The following FER1L6 variants were observed in gnomAD, a reference collection of about 807,000 sequenced individuals.
FER1L6 encodes fer-1-like protein 6.
A neutral mutation model predicts 219.2 loss-of-function variants in FER1L6; 177 were observed. That is an observed-to-expected ratio of 0.81 (90% CI 0.71 to 0.91). The LOEUF is 0.91. Among genes scored for constraint, FER1L6 ranks in the 40% least tolerant of loss-of-function variants. The probability of loss-of-function intolerance (pLI) is 0.00; values close to 1 mark genes in which losing one functional copy is unlikely to be tolerated. For missense variants in FER1L6, 2,153 were observed against 2,259.9 expected, an observed-to-expected ratio of 0.95 and a Z score of 0.96; for synonymous variants, 768 against 824.3, an observed-to-expected ratio of 0.93 and a Z score of 1.17.
intron 32 of FER1L6, among the ~76,000 whole-genome samples, chr8:124,078,584 C>T (rs547083535): frequency 1.6e-4 from 25 of 152,316 alleles, no homozygotes; most frequent in African/African-American, 6.0e-4. Context: ...TGCTGGGACA[C>T]AGTGAGGATC....
chr8:123,887,579 T>C (rs949302771), intron 1 of FER1L6, among the ~76,000 whole-genome samples: 4 of 152,212 alleles, frequency 2.6e-5, no homozygotes, highest in Non-Finnish European at 5.9e-5. Context: ...GGTCTGCTCC[T>C]CTCAATCTGG....
chr8:123,932,091 CT>C (rs1813790542), intron 1 of FER1L6, among the ~76,000 whole-genome samples: 1 of 152,036 alleles, frequency 6.6e-6, no homozygotes, highest in South Asian at 2.1e-4. Flanking sequence ...CTTTCTTCCC[CT>C]ACCGTATTTA....
intron 1 of FER1L6, among the ~76,000 whole-genome samples, chr8:123,856,288 G>A (rs1290236783): frequency 3.6e-5 from 3 of 84,498 alleles, no homozygotes; most frequent in African/African-American, 1.3e-4. Flanking sequence ...ATATATGTGT[G>A]TGTGTATATA....
intron 12 of FER1L6, among the ~76,000 whole-genome samples, chr8:123,987,875 G>T (rs1396779952): frequency 6.6e-6 from 1 of 152,154 alleles, no homozygotes; most frequent in African/African-American, 2.4e-5. Context: ...AGTTTGGGAG[G>T]CTGAGGCAGG....
chr8:123,945,196 C>T (rs1028736448), intron 1 of FER1L6, among the ~76,000 whole-genome samples: 19 of 152,128 alleles, frequency 1.2e-4, no homozygotes, highest in African/African-American at 4.6e-4. Context: ...CTGGGAAGCC[C>T]CTGTATATTT....
intron 16 of FER1L6, among the ~76,000 whole-genome samples, chr8:124,020,773 G>A (rs1180811637): frequency 6.6e-6 from 1 of 152,150 alleles, no homozygotes; most frequent in African/African-American, 2.4e-5. Flanking sequence ...AGGCTGTTAT[G>A]AGGAGTAACA....
At chr8:123,945,677 T>C (rs1214131888) in intron 1 of FER1L6, among the ~76,000 whole-genome samples, 6 of 152,386 alleles carry the variant, frequency 3.9e-5, no homozygotes, top group African/African-American at 1.4e-4. Flanking sequence ...AACTGATTTA[T>C]AGAGCTTCAT....
intron 1 of FER1L6, among the ~76,000 whole-genome samples, chr8:123,918,241 G>A (rs923004363): frequency 6.6e-6 from 1 of 151,864 alleles, no homozygotes; most frequent in African/African-American, 2.4e-5. Flanking sequence ...CATGGGAGGT[G>A]GAGGTTGCAG....
At chr8:124,025,904 T>C (rs1818688005) in intron 18 of FER1L6, among the ~76,000 whole-genome samples, 1 of 152,216 alleles carries the variant, frequency 6.6e-6, no homozygotes, top group Non-Finnish European at 1.5e-5. Context: ...GTGTAATTTG[T>C]CCATGGCATC....
intron 1 of FER1L6, among the ~76,000 whole-genome samples, chr8:123,883,558 C>T (rs533711242): frequency 1.1e-4 from 16 of 152,252 alleles, no homozygotes; most frequent in African/African-American, 3.4e-4. Context: ...TTCAGGTTGA[C>T]GTCTGTTCAG....
chr8:123,875,423 C>T (rs1816991299), intron 1 of FER1L6, among the ~76,000 whole-genome samples: 1 of 152,162 alleles, frequency 6.6e-6, no homozygotes, highest in African/African-American at 2.4e-5. Flanking sequence ...TCCTTTTCAA[C>T]TTTAAAAAGT....
chr8:123,862,927 C>T (rs1398865486), intron 1 of FER1L6, among the ~76,000 whole-genome samples: 4 of 146,752 alleles, frequency 2.7e-5, no homozygotes, highest in African/African-American at 1.1e-4. Flanking sequence ...TTTCAAAAAA[C>T]CAGCTCCTGG....
At chr8:123,895,708 T>C (rs1212673462) in intron 1 of FER1L6, among the ~76,000 whole-genome samples, 1 of 152,158 alleles carries the variant, frequency 6.6e-6, no homozygotes, top group African/African-American at 2.4e-5. Flanking sequence ...GGGTTTGATT[T>C]AAATGAGTGC....
At chr8:124,015,607 A>ATGTG (rs71303477) in intron 15 of FER1L6, among the ~76,000 whole-genome samples, 1 of 88,606 alleles carries the variant, frequency 1.1e-5, no homozygotes, top group African/African-American at 4.3e-5. Context: ...ATATATATAT[A>ATGTG]TATATATATT....
At chr8:123,862,866 C>T (rs921075247) in intron 1 of FER1L6, among the ~76,000 whole-genome samples, 1 of 145,010 alleles carries the variant, frequency 6.9e-6, no homozygotes, top group Non-Finnish European at 1.5e-5. Context: ...TGATTCTTCT[C>T]TCTCTTTTTC....
intron 18 of FER1L6, among the ~76,000 whole-genome samples, chr8:124,031,704 G>T (rs994922635): frequency 6.6e-6 from 1 of 152,172 alleles, no homozygotes; most frequent in Non-Finnish European, 1.5e-5. Flanking sequence ...ATGGGACTGA[G>T]AGATAAGAGG....
intron 6 of FER1L6, among the ~76,000 whole-genome samples, chr8:123,973,034 A>C (rs1378400478): frequency 6.6e-6 from 1 of 152,178 alleles, no homozygotes; most frequent in Non-Finnish European, 1.5e-5. Context: ...TTCTCTGAGA[A>C]AGTTGTGAGC....
intron 1 of FER1L6, among the ~76,000 whole-genome samples, chr8:123,882,596 T>C (rs1372516403): frequency 2.6e-5 from 4 of 152,106 alleles, no homozygotes; most frequent in East Asian, 1.9e-4. Flanking sequence ...GAGTATCAAA[T>C]AATAAACAAA....
intron 1 of FER1L6, among the ~76,000 whole-genome samples, chr8:123,904,342 T>C (rs1191663742): frequency 6.6e-6 from 1 of 151,416 alleles, no homozygotes; most frequent in Non-Finnish European, 1.5e-5. Context: ...GGAAAGCATC[T>C]AGCACTAGCT....
Sources: gnomAD v4.1 joint callset for allele counts (sites outside exome capture counted in the v4.1 genomes callset) on GRCh38, gnomAD v4.1.1 for gene constraint, MANE v1.5 for transcripts, NCBI Gene and HGNC (gene_info 2026-07-23, HGNC 2026-07-21) for gene names.